The following CAPN13 variants were observed in gnomAD, a reference collection of about 807,000 sequenced individuals.
The protein encoded by CAPN13 is calpain-13.
A neutral mutation model predicts 98.4 loss-of-function variants in CAPN13; 90 were observed. That is an observed-to-expected ratio of 0.92 (90% CI 0.77 to 1.09). The LOEUF (loss-of-function observed/expected upper bound fraction) is 1.09, where lower values mean the gene tolerates loss of function less well. Ranked by LOEUF, CAPN13 falls within the 50% of genes least tolerant of loss-of-function variation. The pLI is 0.00. For missense variants in CAPN13, 887 were observed against 841.3 expected (o/e 1.05, Z -0.67); for synonymous variants, 330 against 305.5 (o/e 1.08, Z -0.84).
chr2:30,744,451 C>A (rs1463941885), intron 12 of CAPN13, among the ~76,000 whole-genome samples: 1 of 152,168 alleles, frequency 6.6e-6, no homozygotes, highest in African/African-American at 2.4e-5. Flanking sequence ...GCCCTTATGG[C>A]AAAAGCAATG....
chr2:30,806,794 T>G (rs901786657), intron 1 of CAPN13, among the ~76,000 whole-genome samples: 5 of 152,364 alleles, frequency 3.3e-5, no homozygotes, highest in Admixed American at 3.3e-4. Flanking sequence ...TCTTTTGTGA[T>G]TAACCCAGAG....
chr2:30,723,102 G>C lies in CAPN13; in HGVS notation c.*165C>G, dbSNP rs72613845. 2.0e-5 allele frequency: 3 copies of C among 152,218 alleles called. No individual in the cohort carries two copies. Among genetic ancestry groups the C allele is most frequent in the Non-Finnish European group, 2.9e-5 (2 of 68,088 alleles). 9.4% of individuals were successfully genotyped at this position (152,218 alleles called of 1,614,324 possible). A position where few individuals can be genotyped will look rare whatever the true frequency, so the allele number is the denominator to read the frequency against. ...ACTGGGCCTGGGCCAGCCAAGGACC[G>C]AACCCAGGCTGTTGGGAGACAGCTT... On this transcript the variant is annotated 3_prime_UTR_variant, in exon 23 of 23. Transcript: ENST00000295055.
At position 30,760,111 on chromosome 2, in the gene CAPN13, C is replaced by T. The variant is rs981516826; in HGVS notation, c.775-1974G>A. 1.1e-4 allele frequency among the ~76,000 whole-genome samples: 17 copies of T among 152,212 alleles called. No individual in the cohort carries two copies. In the East Asian group the frequency reaches 1.2e-3, roughly 10 times the overall value. ...GTTGTGATTTTTTTTGAGATGGAGT[C>T]TTGCTGGGTCGCCCAGGCTGGAGTG... On this transcript the variant is annotated intron_variant, in intron 7 of 22. Transcript: ENST00000295055.
intron 9 of CAPN13, among the ~76,000 whole-genome samples, chr2:30,753,846 G>A (rs1259500137): frequency 1.3e-5 from 2 of 152,146 alleles, no homozygotes; most frequent in Non-Finnish European, 2.9e-5. Context: ...ATCTAGTCCT[G>A]TGTGACTTCT....
In CAPN13 at chr2:30,731,362, G is replaced by A. The variant is rs984551015; in HGVS notation, c.1965C>T (p.Leu655=). The change falls in exon 21 of 23, where the codon CTC becomes CTT. Residue 655 remains leucine (L), a synonymous_variant. Coordinates refer to ENST00000295055, the MANE Select transcript of CAPN13 (RefSeq NM_144575.3). Reference sequence around the variant, plus strand: ...ACCTCACCTCCATTTCTGTCAGGTAGAGTCCTTTTCCATCCTTAGAGAGGT... The same window carrying A: ...ACCTCACCTCCATTTCTGTCAGGTAAAGTCCTTTTCCATCCTTAGAGAGGT... ...FRNLSKDGKG[L]YLTEMEWMSL... The A allele has an allele frequency of 6.2e-7, 1 of 1,611,276 alleles. No homozygotes were observed. Among genetic ancestry groups the A allele is most frequent in the South Asian group, 1.1e-5 (1 of 90,588 alleles).
chr2:30,742,044 C>A (rs570523169), intron 14 of CAPN13, 80 bp from the exon 15 acceptor site: 491 of 1,294,630 alleles, frequency 3.8e-4, no homozygotes, highest in Non-Finnish European at 5.0e-4. Context: ...GTGCAACAAC[C>A]CCTGCCAAGA....
intron 7 of CAPN13, among the ~76,000 whole-genome samples, chr2:30,760,096 T>C (rs1269413698): frequency 2.0e-5 from 3 of 152,198 alleles, no homozygotes; most frequent in African/African-American, 7.2e-5. Flanking sequence ...GTTGTGATTT[T>C]TTTTGAGATG....
At chr2:30,796,889 C>CCT (rs2148101180) in intron 1 of CAPN13, among the ~76,000 whole-genome samples, 1 of 152,266 alleles carries the variant, frequency 6.6e-6, no homozygotes, top group African/African-American at 2.4e-5. Flanking sequence ...GGCCACATTC[C>CCT]AAGAGGCTTA....
intron 7 of CAPN13, 52 bp downstream of exon 7, chr2:30,763,030 A>G: frequency 6.9e-7 from 1 of 1,446,304 alleles, no homozygotes; most frequent in Non-Finnish European, 9.5e-7. Flanking sequence ...AGGAACAAGA[A>G]CACTGGGGCA....
chr2:30,774,912 G>A (rs1207751608), intron 4 of CAPN13, among the ~76,000 whole-genome samples: 1 of 152,136 alleles, frequency 6.6e-6, no homozygotes, highest in East Asian at 1.9e-4. Flanking sequence ...CAACTTGAAT[G>A]TACTGAAAGA....
intron 11 of CAPN13, among the ~76,000 whole-genome samples, chr2:30,750,423 G>A: frequency 6.6e-6 from 1 of 152,040 alleles, no homozygotes; most frequent in African/African-American, 2.4e-5. Context: ...GTTTACCTAT[G>A]TAAGAAACCT....
intron 11 of CAPN13, among the ~76,000 whole-genome samples, chr2:30,747,217 G>C (rs1331615770): frequency 6.6e-6 from 1 of 152,184 alleles, no homozygotes; most frequent in Non-Finnish European, 1.5e-5. Context: ...GTAATGTGTT[G>C]GATATTCACA....
chr2:30,787,021 A>C (rs1478429509), intron 2 of CAPN13, 107 bp downstream of exon 2: 4 of 811,142 alleles, frequency 4.9e-6, no homozygotes, highest in Non-Finnish European at 7.8e-6. Flanking sequence ...GGTGAATTTC[A>C]TTCTCCTTCC....
chr2:30,764,275 C>G lies in CAPN13; in HGVS notation c.556G>C (p.Gly186Arg), dbSNP rs749405991. Reference sequence around the variant, plus strand: ...TCCACCAGGGCATCCTCGAGGAAGCCATAGTGCAGATCGGAATAGGATCCG... The same window carrying G: ...TCCACCAGGGCATCCTCGAGGAAGCGATAGTGCAGATCGGAATAGGATCCG... The part of the protein sequence containing the change: ...LLGSYSDLHY[G>R]FLEDALVDLT... Residue 186 changes from glycine to arginine, a missense_variant, in exon 6 of 23, where the codon GGC (glycine) becomes CGC (arginine). By Grantham distance (125) the Gly-to-Arg change is moderately radical (BLOSUM62 -2). Coordinates refer to ENST00000295055, the MANE Select transcript of CAPN13 (RefSeq NM_144575.3). 1 of 1,613,878 alleles carries G rather than the reference C, an allele frequency of 6.2e-7. No homozygotes were observed. The highest frequency in any genetic ancestry group is 8.5e-7 in the Non-Finnish European group (1 of 1,179,872).
At chr2:30,750,088 T>A (rs2147986808) in intron 11 of CAPN13, among the ~76,000 whole-genome samples, 2 of 152,232 alleles carry the variant, frequency 1.3e-5, no homozygotes, top group East Asian at 3.9e-4. Flanking sequence ...ACAGATTGGA[T>A]AAAGAAAATG....
chr2:30,774,186 C>A (rs990192034), intron 4 of CAPN13, among the ~76,000 whole-genome samples: 2 of 151,762 alleles, frequency 1.3e-5, no homozygotes, highest in Non-Finnish European at 2.9e-5. Flanking sequence ...TGGATACACA[C>A]CTCAGAGGAA....
At chr2:30,741,232 T>C (rs879693577) in intron 15 of CAPN13, 16 of 297,278 alleles carry the variant, frequency 5.4e-5, no homozygotes, top group Non-Finnish European at 8.0e-5. Context: ...AGGCTGCTTC[T>C]GGGTGACTAC....
chr2:30,777,622 A>G lies in CAPN13; in HGVS notation c.216T>C (p.Pro72=). 1 of 1,577,816 alleles carries G rather than the reference A, an allele frequency of 6.3e-7. No individual in the cohort carries two copies. Among genetic ancestry groups the G allele is most frequent in the East Asian group, 2.3e-5 (1 of 43,644 alleles). The change falls in exon 3 of 23, where the codon CCT becomes CCC. Residue 72 remains proline, a synonymous_variant. Coordinates refer to ENST00000295055, the MANE Select transcript of CAPN13 (RefSeq NM_144575.3). ...WKRPQDLPGG[P]PHFILDDISR... is the part of the protein sequence containing the mutation. ...TTATATCATCCAGGATGAAGTGAGGAGGACCCCCTGGTAGATCCTTTAGGA... is the reference window on the plus strand; with the variant it reads ...TTATATCATCCAGGATGAAGTGAGGGGGACCCCCTGGTAGATCCTTTAGGA...
chr2:30,799,822 C>T (rs1675082839), intron 1 of CAPN13, among the ~76,000 whole-genome samples: 1 of 152,056 alleles, frequency 6.6e-6, no homozygotes, highest in Admixed American at 6.5e-5. Flanking sequence ...TCCTGTAATC[C>T]CAGCACTTTG....
Sources: allele counts gnomAD v4.1 joint callset (sites outside exome capture counted in the v4.1 genomes callset), GRCh38; gene constraint gnomAD v4.1.1; transcripts MANE v1.5; gene names NCBI Gene and HGNC (gene_info 2026-07-23, HGNC 2026-07-21).